SPRED1: variants seen among roughly 807,000 people sequenced by gnomAD.
SPRED1 encodes sprouty related EVH1 domain containing 1.
A neutral mutation model predicts 52.3 loss-of-function variants in SPRED1; 18 were observed. The observed-to-expected ratio is 0.34, with a 90% CI of 0.24 to 0.51. The LOEUF (loss-of-function observed/expected upper bound fraction) is 0.51, where lower values mean the gene tolerates loss of function less well. Among genes scored for constraint, SPRED1 ranks in the 20% least tolerant of loss-of-function variants. The pLI is 0.97. For missense variants in SPRED1, 485 were observed against 551.0 expected (o/e 0.88, Z 1.20); for synonymous variants, 155 against 179.7 (o/e 0.86, Z 1.10).
At chr15:38,333,794 A>G (rs1427869778) in intron 4 of SPRED1, among the ~76,000 whole-genome samples, 2 of 152,124 alleles carry the variant, frequency 1.3e-5, no homozygotes, top group Non-Finnish European at 2.9e-5. Context: ...AGGCCTATAC[A>G]CTATTATTCC....
intron 2 of SPRED1, among the ~76,000 whole-genome samples, chr15:38,300,368 A>G (rs1297619625): frequency 6.6e-6 from 1 of 152,176 alleles, no homozygotes; most frequent in Non-Finnish European, 1.5e-5. Context: ...CCCAAAATAG[A>G]GCCTTGAAAA....
At chr15:38,299,125 A>G (rs1895099887) in intron 1 of SPRED1, among the ~76,000 whole-genome samples, 1 of 152,200 alleles carries the variant, frequency 6.6e-6, no homozygotes, top group South Asian at 2.1e-4. Flanking sequence ...GAAATGATGA[A>G]TTGAGGTAGT....
chr15:38,320,745 T>C (rs1020573068), intron 2 of SPRED1, among the ~76,000 whole-genome samples: 21 of 152,214 alleles, frequency 1.4e-4, no homozygotes, highest in Non-Finnish European at 2.8e-4. Context: ...TGTTTTCTTA[T>C]AGGGGATTCT....
intron 5 of SPRED1, among the ~76,000 whole-genome samples, chr15:38,340,445 A>G (rs1168380275): frequency 6.6e-6 from 1 of 152,224 alleles, no homozygotes; most frequent in Non-Finnish European, 1.5e-5. Flanking sequence ...ATTCAAGCAT[A>G]CATAAGATTC....
chr15:38,286,909 T>A (rs1955384058), intron 1 of SPRED1, among the ~76,000 whole-genome samples: 1 of 152,150 alleles, frequency 6.6e-6, no homozygotes, highest in South Asian at 2.1e-4. Flanking sequence ...TTGCTCCTCT[T>A]TTCTCTTTTT....
chr15:38,263,973 A>G lies in SPRED1; in HGVS notation c.32+10756A>G, dbSNP rs1022346365. Reference sequence around the variant, plus strand: ...GAAAATAAGAAGTGCTGAAGCAGAGAAGTCATAGAGTAGATGCTAGTCATT... The same window carrying G: ...GAAAATAAGAAGTGCTGAAGCAGAGGAGTCATAGAGTAGATGCTAGTCATT... On this transcript the variant is annotated intron_variant, in intron 1 of 6. Coordinates refer to ENST00000299084, the MANE Select transcript of SPRED1 (RefSeq NM_152594.3). Among the ~76,000 whole-genome samples the G allele has an allele frequency of 2.0e-5, 3 of 152,210 alleles. 1 individual carries two copies. Among genetic ancestry groups the G allele is most frequent in the Admixed American group, 2.0e-4 (3 of 15,278 alleles).
intron 2 of SPRED1, among the ~76,000 whole-genome samples, chr15:38,306,505 C>T (rs180940100): frequency 4.1e-4 from 63 of 152,242 alleles, no homozygotes; most frequent in African/African-American, 1.4e-3. Context: ...AGTCCAGAAT[C>T]CCATTCTTTT....
rs138477619 is a variant in SPRED1, at chr15:38,309,794, C to A, written c.207+10247C>A. 4.4e-3 allele frequency among the ~76,000 whole-genome samples: 667 copies of A among 152,268 alleles called. 2 individuals are homozygous for A. The highest frequency in any genetic ancestry group is 7.9e-3 in the Non-Finnish European group (535 of 68,016). ...TTTGTGTAAATTGTGATACTTAGAT[C>A]AAGGGGTTTTTTTTCCTATGAATGT... On this transcript the variant is annotated intron_variant, in intron 2 of 6. Coordinates refer to ENST00000299084, the MANE Select transcript of SPRED1 (RefSeq NM_152594.3).
chr15:38,299,614 T>C, intron 2 of SPRED1, 67 bp downstream of exon 2: 1 of 1,487,588 alleles, frequency 6.7e-7, no homozygotes, highest in Non-Finnish European at 9.3e-7. Flanking sequence ...TTATGATTAG[T>C]ATACTGTTGT....
intron 6 of SPRED1, among the ~76,000 whole-genome samples, 192 bp from the exon 7 acceptor site, chr15:38,350,822 C>T (rs576178445): frequency 4.6e-5 from 7 of 152,186 alleles, no homozygotes; most frequent in Admixed American, 6.5e-5. Context: ...TTATGAGGTC[C>T]GCCTATACCA....
At chr15:38,266,019 T>C (rs1894300642) in intron 1 of SPRED1, among the ~76,000 whole-genome samples, 1 of 152,218 alleles carries the variant, frequency 6.6e-6, no homozygotes, top group Non-Finnish European at 1.5e-5. Context: ...TGATGGTCTG[T>C]ATGCTCATGT....
intron 1 of SPRED1, among the ~76,000 whole-genome samples, chr15:38,256,437 A>C (rs1894098612): frequency 6.6e-6 from 1 of 152,136 alleles, no homozygotes; most frequent in South Asian, 2.1e-4. Flanking sequence ...TTTGGTATTG[A>C]GTGTATATAG....
chr15:38,315,009 A>G (rs1189158517), intron 2 of SPRED1, among the ~76,000 whole-genome samples: 4 of 151,904 alleles, frequency 2.6e-5, no homozygotes, highest in Non-Finnish European at 5.9e-5. Flanking sequence ...AATTTATATT[A>G]ATAGACAATT....
rs1229116659 is a variant in SPRED1, at chr15:38,349,644, A to G, written c.684+121A>G. On this transcript the variant is annotated intron_variant, in intron 6 of 6. Transcript: ENST00000299084. Reference sequence around the variant, plus strand: ...GTACTAGAAAATTTTTCATTGTATAAATTTGCTGCCTATGTGCTTAAACGC... The same window carrying G: ...GTACTAGAAAATTTTTCATTGTATAGATTTGCTGCCTATGTGCTTAAACGC... 6.8e-6 allele frequency: 5 copies of G among 740,550 alleles called. No individual in the cohort carries two copies. The African/African-American group carries it at 8.8e-5, about 13-fold the overall frequency. The allele number at this position is 740,550 out of a possible 1,614,324, so 45.9% of individuals were successfully genotyped here. A position where few individuals can be genotyped will look rare whatever the true frequency, so the allele number is the denominator to read the frequency against.
At chr15:38,342,728 A>G (rs184433224) in intron 5 of SPRED1, among the ~76,000 whole-genome samples, 2 of 152,082 alleles carry the variant, frequency 1.3e-5, no homozygotes, top group East Asian at 3.9e-4. Context: ...TTGTTTTCAG[A>G]TGTTTTATTA....
At chr15:38,276,805 G>A (rs182924229) in intron 1 of SPRED1, among the ~76,000 whole-genome samples, 33 of 152,194 alleles carry the variant, frequency 2.2e-4, no homozygotes, top group African/African-American at 7.7e-4. Flanking sequence ...TCCTTTTAAA[G>A]TTTTTGCCTG....
At chr15:38,267,445 G>GT (rs1198435549) in intron 1 of SPRED1, among the ~76,000 whole-genome samples, 1 of 152,044 alleles carries the variant, frequency 6.6e-6, no homozygotes, top group East Asian at 1.9e-4. Context: ...AGTACAAGTG[G>GT]TTTTTTAAAA....
chr15:38,253,131 C>G lies in SPRED1; in HGVS notation c.-55C>G. The G allele has an allele frequency of 1.9e-6, 3 of 1,539,390 alleles. No homozygotes were observed. The highest frequency in any genetic ancestry group is 2.6e-6 in the Non-Finnish European group (3 of 1,134,618). On this transcript the variant is annotated 5_prime_UTR_variant, in exon 1 of 7. Coordinates refer to ENST00000299084, the MANE Select transcript of SPRED1 (RefSeq NM_152594.3). ...CTCCTGCCCCTCGGTGCTGCTGTTGCTCCCCCGCCTGCTGTTGCTCCTCCA... is the reference window on the plus strand; with the variant it reads ...CTCCTGCCCCTCGGTGCTGCTGTTGGTCCCCCGCCTGCTGTTGCTCCTCCA...
intron 4 of SPRED1, among the ~76,000 whole-genome samples, chr15:38,339,223 T>C (rs1416064684): frequency 6.6e-6 from 1 of 152,116 alleles, no homozygotes; most frequent in Non-Finnish European, 1.5e-5. Flanking sequence ...GAGTACATGA[T>C]TTAAATTCTA....
Sources: allele counts gnomAD v4.1 joint callset (sites outside exome capture counted in the v4.1 genomes callset), GRCh38; gene constraint gnomAD v4.1.1; transcripts MANE v1.5; gene names NCBI Gene and HGNC (gene_info 2026-07-23, HGNC 2026-07-21).